ABLIM3: variants seen among roughly 807,000 people sequenced by gnomAD.
ABLIM3 encodes actin binding LIM protein family member 3, also known as actin-binding LIM protein 3.
ABLIM3 carries 61 observed loss-of-function variants against 109.5 expected under a neutral mutation model. That is an observed-to-expected ratio of 0.56 (90% CI 0.45 to 0.69). The LOEUF (loss-of-function observed/expected upper bound fraction) is 0.69. Among genes scored for constraint, ABLIM3 ranks in the 30% least tolerant of loss-of-function variants. The pLI, the probability that ABLIM3 is intolerant of heterozygous loss-of-function variation, is 0.00. For synonymous variants in ABLIM3, 300 were observed against 324.8 expected (o/e 0.92, Z 0.82); for missense variants, 796 against 889.5 (o/e 0.89, Z 1.34).
intron 17 of ABLIM3, 126 bp from the exon 18 acceptor site, chr5:149,247,656 G>A (rs1334451347): frequency 1.4e-5 from 17 of 1,235,946 alleles, no homozygotes; most frequent in Admixed American, 5.5e-5. Context: ...TGGGAGGGAC[G>A]CTGGGAAGGC....
At chr5:149,225,660 T>G (rs57331907) in intron 8 of ABLIM3, among the ~76,000 whole-genome samples, 1 of 152,010 alleles carries the variant, frequency 6.6e-6, no homozygotes, top group Non-Finnish European at 1.5e-5. Flanking sequence ...ATCACCTGAG[T>G]GGTATACAAT....
rs950852638 is a variant in ABLIM3, at chr5:149,146,329, G to A, written c.13+4221G>A. Reference sequence around the variant, plus strand: ...AACTCTTTAGTTTAATTAGGTCCCAGTTGTCGATTTTTGTTTTTGTTACAA... The same window carrying A: ...AACTCTTTAGTTTAATTAGGTCCCAATTGTCGATTTTTGTTTTTGTTACAA... On this transcript the variant is annotated intron_variant, in intron 2 of 23. Transcript: ENST00000309868. 5.3e-5 allele frequency among the ~76,000 whole-genome samples: 8 copies of A among 152,100 alleles called. 1 individual carries two copies. Among genetic ancestry groups the A allele is most frequent in the Admixed American group, 3.9e-4 (6 of 15,270 alleles).
intron 2 of ABLIM3, among the ~76,000 whole-genome samples, chr5:149,174,021 CA>C (rs57000637): frequency 0.037 from 1,478 of 40,204 alleles, 5 homozygotes; most frequent in African/African-American, 0.11. Context: ...GACTCCGTCT[CA>C]AAAAAAAAAA....
chr5:149,214,904 T>G (rs761906994), intron 7 of ABLIM3, among the ~76,000 whole-genome samples: 1 of 152,186 alleles, frequency 6.6e-6, no homozygotes, highest in Non-Finnish European at 1.5e-5. Context: ...GGCTCTGTTT[T>G]GAGGGTACCA....
intron 2 of ABLIM3, among the ~76,000 whole-genome samples, chr5:149,152,552 C>G (rs1016329503): frequency 6.6e-6 from 1 of 152,120 alleles, no homozygotes; most frequent in Non-Finnish European, 1.5e-5. Context: ...CTGCCCTGAC[C>G]TCCTGGAGGT....
chr5:149,166,691 C>G (rs2127454407), intron 2 of ABLIM3, among the ~76,000 whole-genome samples: 1 of 152,332 alleles, frequency 6.6e-6, no homozygotes, highest in Admixed American at 6.5e-5. Context: ...TTAGTTTTTA[C>G]TGAACTCTTT....
In ABLIM3 at chr5:149,224,010, A is replaced by G. The variant is rs184202271; in HGVS notation, c.758-6639A>G. ...AATGGCCATTCCCATGTTGCAATGC[A>G]GTAGTAAGTGCTTGCTGTTGTCAAT... On this transcript the variant is annotated intron_variant, in intron 8 of 23. Coordinates refer to ENST00000309868, the MANE Select transcript of ABLIM3 (RefSeq NM_014945.5). Among the ~76,000 whole-genome samples the G allele has an allele frequency of 5.3e-5, 8 of 152,098 alleles. No individual in the cohort carries two copies. In the East Asian group the frequency reaches 1.4e-3, roughly 26 times the overall value.
At chr5:149,251,440 G>C (rs200248425) in intron 21 of ABLIM3, 21 bp downstream of exon 21, 1 of 1,612,502 alleles carries the variant, frequency 6.2e-7, no homozygotes, top group Non-Finnish European at 8.5e-7. Flanking sequence ...GCCTGCAGGG[G>C]GTCTGCAGGG....
chr5:149,144,186 T>C (rs1482297402), intron 2 of ABLIM3, among the ~76,000 whole-genome samples: 2 of 152,130 alleles, frequency 1.3e-5, no homozygotes, highest in African/African-American at 4.8e-5. Context: ...AATTTTGCAG[T>C]AATGGAAAAT....
At chr5:149,169,419 G>A (rs34111028) in intron 2 of ABLIM3, among the ~76,000 whole-genome samples, 24 of 151,988 alleles carry the variant, frequency 1.6e-4, no homozygotes, top group African/African-American at 5.3e-4. Flanking sequence ...CTCCATCCAA[G>A]AAAACCTTCC....
chr5:149,232,076 C>T (rs554817730), intron 9 of ABLIM3, among the ~76,000 whole-genome samples: 1 of 152,244 alleles, frequency 6.6e-6, no homozygotes, highest in East Asian at 1.9e-4. Flanking sequence ...GAGGCCAAGG[C>T]GGGTGAATCA....
At chr5:149,152,203 G>A (rs145062753) in intron 2 of ABLIM3, among the ~76,000 whole-genome samples, 1 of 152,104 alleles carries the variant, frequency 6.6e-6, no homozygotes, top group Non-Finnish European at 1.5e-5. Context: ...TTAGTTTCTG[G>A]CTTGCCACAA....
intron 2 of ABLIM3, chr5:149,174,417 C>T (rs1755741717): frequency 6.6e-6 from 1 of 152,216 alleles, no homozygotes; most frequent in African/African-American, 2.4e-5. Flanking sequence ...GCATGATGGC[C>T]TGCCAGCATC....
At chr5:149,172,739 T>G (rs1337459998) in intron 2 of ABLIM3, among the ~76,000 whole-genome samples, 1 of 152,234 alleles carries the variant, frequency 6.6e-6, no homozygotes, top group Non-Finnish European at 1.5e-5. Context: ...GTGGCCCAGA[T>G]TCTCCAGATT....
intron 10 of ABLIM3, among the ~76,000 whole-genome samples, chr5:149,235,680 A>G (rs1207163855): frequency 6.6e-6 from 1 of 152,250 alleles, no homozygotes; most frequent in Non-Finnish European, 1.5e-5. Flanking sequence ...GACAAAAGGC[A>G]GCAATTACTT....
chr5:149,224,244 TTTAA>T (rs1418813174), intron 8 of ABLIM3, among the ~76,000 whole-genome samples: 1 of 152,178 alleles, frequency 6.6e-6, no homozygotes, highest in Non-Finnish European at 1.5e-5. Context: ...CTCAATATAC[TTTAA>T]TTACTGTCCC....
rs751870536 is a variant in ABLIM3 at position 149,183,517 on chromosome 5, G to A, written c.79G>A (p.Gly27Arg). ...SSNVIQCYRC[G>R]DTCKGEVVRV... Reference sequence around the variant, plus strand: ...CAATGTCATCCAGTGCTACCGCTGTGGAGACACCTGCAAAGGGGAAGTGGT... The same window carrying A: ...CAATGTCATCCAGTGCTACCGCTGTAGAGACACCTGCAAAGGGGAAGTGGT... Residue 27 changes from glycine to arginine, a missense_variant, in exon 3 of 24, where the codon GGA (glycine) becomes AGA (arginine). By Grantham distance (125) the Gly-to-Arg change is moderately radical. Coordinates refer to ENST00000309868, the MANE Select transcript of ABLIM3 (RefSeq NM_014945.5). The A allele has an allele frequency of 1.9e-6, 3 of 1,600,264 alleles. No individual in the cohort carries two copies. In the South Asian group the frequency reaches 3.4e-5, roughly 18 times the overall value.
chr5:149,236,383 C>T (rs1109114), intron 10 of ABLIM3, among the ~76,000 whole-genome samples: 47,367 of 151,948 alleles, frequency 0.31, 8,966 homozygotes, highest in East Asian at 0.59. Context: ...AGAATGTTAT[C>T]AGACTAATAC....
At chr5:149,189,491 A>G (rs924223479) in intron 3 of ABLIM3, among the ~76,000 whole-genome samples, 1 of 152,368 alleles carries the variant, frequency 6.6e-6, no homozygotes, top group East Asian at 1.9e-4. Context: ...TATGTAAAGA[A>G]TTCTTACAAT....
Sources: allele counts gnomAD v4.1 joint callset (sites outside exome capture counted in the v4.1 genomes callset), GRCh38; gene constraint gnomAD v4.1.1; transcripts MANE v1.5; gene names NCBI Gene and HGNC (gene_info 2026-07-23, HGNC 2026-07-21).